NDUFV2: variants seen among roughly 807,000 people sequenced by gnomAD.
The protein encoded by NDUFV2 is NADH dehydrogenase [ubiquinone] flavoprotein 2, mitochondrial.
Under a neutral mutation model 31.6 loss-of-function variants are expected in NDUFV2, and 18 were observed. The ratio of observed to expected loss-of-function variants is 0.57; its 90% CI spans 0.39 to 0.84. The LOEUF is 0.84. NDUFV2 is among the 40% of genes least tolerant of loss of function. The pLI is 0.00. For synonymous variants in NDUFV2, 83 were observed against 99.8 expected, an observed-to-expected ratio of 0.83 and a Z score of 1.01; for missense variants, 314 against 303.6, an observed-to-expected ratio of 1.03 and a Z score of -0.26.
intron 1 of NDUFV2, among the ~76,000 whole-genome samples, chr18:9,109,971 C>T (rs922237825): frequency 1.6e-4 from 25 of 152,032 alleles, no homozygotes; most frequent in African/African-American, 4.8e-4. Flanking sequence ...ATCTTATTTA[C>T]TTAAAAAAGT....
chr18:9,134,278 A>G lies in NDUFV2; in HGVS notation c.749A>G (p.Ter250=), dbSNP rs1388072645. The G allele has an allele frequency of 6.2e-7, 1 of 1,604,108 alleles. No individual in the cohort carries two copies. Among genetic ancestry groups the G allele is most frequent in the Non-Finnish European group, 8.5e-7 (1 of 1,172,544 alleles). The change falls in exon 8 of 8, where the codon TAA becomes TGA. Residue 250 remains the stop codon, a stop_retained_variant. Coordinates refer to ENST00000318388, the MANE Select transcript of NDUFV2 (RefSeq NM_021074.5). The stretch of plus-strand genomic sequence containing the variant: ...GGATTTGGTGTACAAGCAGGCCTTT[A>G]ATTTATATTGAACTGTAAATATGTC... ...GPGFGVQAGL[*] is the part of the protein sequence containing the mutation.
At chr18:9,105,108 TAC>T (rs2077835177) in intron 1 of NDUFV2, 1 of 1,059,360 alleles carries the variant, frequency 9.4e-7, no homozygotes, top group Non-Finnish European at 1.3e-6. Flanking sequence ...CTATTACTTA[TAC>T]AACCAGGCCC....
At chr18:9,123,874 T>C (rs1363228430) in intron 5 of NDUFV2, among the ~76,000 whole-genome samples, 1 of 152,228 alleles carries the variant, frequency 6.6e-6, no homozygotes, top group Non-Finnish European at 1.5e-5. Flanking sequence ...TGAGATAGTT[T>C]ACAAGAAGTA....
At chr18:9,131,033 T>C (rs536299550) in intron 7 of NDUFV2, among the ~76,000 whole-genome samples, 15 of 152,338 alleles carry the variant, frequency 9.8e-5, no homozygotes, top group African/African-American at 3.6e-4. Flanking sequence ...ACTTTACTCA[T>C]AGCCTGCAGT....
chr18:9,134,084 A>T, intron 7 of NDUFV2, 102 bp from the exon 8 acceptor site: 2 of 817,870 alleles, frequency 2.4e-6, no homozygotes, highest in Non-Finnish European at 4.1e-6. Context: ...TCTTAGGGTA[A>T]AAATAGTTAC....
At chr18:9,113,365 A>G (rs929575695) in intron 1 of NDUFV2, among the ~76,000 whole-genome samples, 2 of 152,210 alleles carry the variant, frequency 1.3e-5, no homozygotes, top group African/African-American at 2.4e-5. Context: ...GCACATTTCT[A>G]GATTTTATTG....
At chr18:9,133,803 G>A (rs746411255) in intron 7 of NDUFV2, among the ~76,000 whole-genome samples, 2 of 152,126 alleles carry the variant, frequency 1.3e-5, no homozygotes, top group Non-Finnish European at 2.9e-5. Flanking sequence ...TATTTTTGCC[G>A]TAGTTCTTTG....
At chr18:9,117,976 A>C (rs2077907697) in intron 2 of NDUFV2, 73 bp downstream of exon 2, 1 of 945,348 alleles carries the variant, frequency 1.1e-6, no homozygotes, top group South Asian at 1.3e-5. Context: ...AAAAATCCAA[A>C]ATATCTTAAA....
At chr18:9,122,402 T>G in intron 4 of NDUFV2, 111 bp from the exon 5 acceptor site, 1 of 1,014,578 alleles carries the variant, frequency 9.9e-7, no homozygotes, top group South Asian at 1.4e-5. Context: ...TGAAGAACTT[T>G]TCTGTTTTTA....
At chr18:9,111,775 C>T (rs879547088) in intron 1 of NDUFV2, among the ~76,000 whole-genome samples, 2 of 151,730 alleles carry the variant, frequency 1.3e-5, no homozygotes, top group African/African-American at 2.4e-5. Context: ...AAGTACATGC[C>T]GTTATTTTTC....
intron 1 of NDUFV2, among the ~76,000 whole-genome samples, chr18:9,106,643 GT>G (rs1303398050): frequency 6.6e-6 from 1 of 152,122 alleles, no homozygotes; most frequent in African/African-American, 2.4e-5. Context: ...AAAACATTTA[GT>G]TTTTTATTCC....
chr18:9,119,038 G>A (rs150894125), intron 2 of NDUFV2, among the ~76,000 whole-genome samples: 1 of 152,120 alleles, frequency 6.6e-6, no homozygotes, highest in African/African-American at 2.4e-5. Context: ...ACTCTCTAAT[G>A]AAGCTGGATA....
intron 1 of NDUFV2, chr18:9,103,430 C>T (rs1226996019): frequency 6.7e-6 from 2 of 300,708 alleles, no homozygotes; most frequent in Non-Finnish European, 1.2e-5. Flanking sequence ...AAGTACATCT[C>T]ATGGTAGGCA....
intron 4 of NDUFV2, among the ~76,000 whole-genome samples, chr18:9,121,073 A>G (rs887606011): frequency 6.6e-6 from 1 of 152,120 alleles, no homozygotes; most frequent in South Asian, 2.1e-4. Context: ...GTGAGACCCT[A>G]TCTCTTAAAA....
chr18:9,104,900 C>T (rs776728744), intron 1 of NDUFV2: 14 of 1,481,996 alleles, frequency 9.4e-6, no homozygotes, highest in Non-Finnish European at 8.2e-6. Context: ...TCTTGTCAAC[C>T]TGGAAATTAC....
At chr18:9,103,715 C>G (rs2077826634) in intron 1 of NDUFV2, 1 of 156,840 alleles carries the variant, frequency 6.4e-6, no homozygotes, top group South Asian at 1.9e-4. Context: ...TGACTTTGTG[C>G]TGTTAATCTT....
Position 9,119,377 on chromosome 18 carries a change from G to C in NDUFV2, c.172G>C (p.Glu58Gln), listed in dbSNP as rs1281087110. The change falls in exon 3 of 8, where the codon GAA (glutamate) becomes CAA (glutamine). Residue 58 changes from glutamate (E) to glutamine (Q), a missense_variant. Coordinates refer to ENST00000318388, the MANE Select transcript of NDUFV2 (RefSeq NM_021074.5). ...NPDTPFDFTPENYKRIEAIVK... is the reference protein window; with the variant it reads ...NPDTPFDFTPQNYKRIEAIVK... ...TGATACTCCATTTGATTTCACACCA[G>C]AAAACTATAAGGTATGGCTAAATTA... The C allele has an allele frequency of 1.2e-6, 2 of 1,611,672 alleles. No homozygotes were observed. The highest frequency in any genetic ancestry group is 1.7e-6 in the Non-Finnish European group (2 of 1,177,992).
At chr18:9,121,956 T>G (rs2077939917) in intron 4 of NDUFV2, among the ~76,000 whole-genome samples, 1 of 152,220 alleles carries the variant, frequency 6.6e-6, no homozygotes, top group Non-Finnish European at 1.5e-5. Context: ...TATGATAATA[T>G]GTGTATACAT....
chr18:9,121,581 C>T (rs1020025444), intron 4 of NDUFV2: 4 of 152,106 alleles, frequency 2.6e-5, no homozygotes, highest in African/African-American at 9.7e-5. Context: ...CTGAAATGCC[C>T]GCTCTTCTTT....
Sources: gnomAD v4.1 joint callset for allele counts (sites outside exome capture counted in the v4.1 genomes callset) on GRCh38, gnomAD v4.1.1 for gene constraint, MANE v1.5 for transcripts, NCBI Gene and HGNC (gene_info 2026-07-23, HGNC 2026-07-21) for gene names.